NOD1: variants seen among roughly 807,000 people sequenced by gnomAD.
The protein encoded by NOD1 is nucleotide-binding oligomerization domain-containing protein 1.
In NOD1, 70 loss-of-function variants were observed where a neutral mutation model predicts 81.2. The ratio of observed to expected loss-of-function variants is 0.86; its 90% CI spans 0.71 to 1.05. The LOEUF (loss-of-function observed/expected upper bound fraction) is 1.05, where lower values mean the gene tolerates loss of function less well. Among genes scored for constraint, NOD1 ranks in the 50% least tolerant of loss-of-function variants. The probability of loss-of-function intolerance (pLI) is 0.00; values close to 1 mark genes in which losing one functional copy is unlikely to be tolerated. For missense variants in NOD1, 1,233 were observed against 1,228.0 expected (o/e 1.00, Z -0.06); for synonymous variants, 508 against 526.9 (o/e 0.96, Z 0.49).
In NOD1 at chr7:30,446,959, C is replaced by T. The variant is rs1346485778; in HGVS notation, c.2369+8G>A. On this transcript the variant is annotated splice_region_variant and intron_variant, in intron 8 of 13. Transcript: ENST00000222823. Reference sequence around the variant, plus strand: ...TATACTAAGGAACCTGGTGCCTACCCCACTTACTTAAGATGCGTGAGGCCT... The same window carrying T: ...TATACTAAGGAACCTGGTGCCTACCTCACTTACTTAAGATGCGTGAGGCCT... The T allele has an allele frequency of 1.2e-6, 2 of 1,609,770 alleles. No homozygotes were observed. Among genetic ancestry groups the T allele is most frequent in the Admixed American group, 1.7e-5 (1 of 59,484 alleles).
Position 30,478,559 on chromosome 7 carries a change from C to A in NOD1, c.-352+47G>T. 6.5e-6 allele frequency: 1 copy of A among 152,708 alleles called. No homozygotes were observed. The highest frequency in any genetic ancestry group is 1.5e-5 in the Non-Finnish European group (1 of 68,362). The allele number at this position is 152,708 out of a possible 1,614,324, so 9.5% of individuals were successfully genotyped here. ...CCTCCTCACTCGCAGCGCCCAGGACCTCAGAAAGGGCCTGCCCCGCGCGAA... is the reference window on the plus strand; with the variant it reads ...CCTCCTCACTCGCAGCGCCCAGGACATCAGAAAGGGCCTGCCCCGCGCGAA... On this transcript the variant is annotated intron_variant, in intron 1 of 13. Coordinates refer to ENST00000222823, the MANE Select transcript of NOD1 (RefSeq NM_006092.4). This position sits in a 1 kb window ranked among gnomAD's most constrained non-coding sequence, Gnocchi z 4.1.
At chr7:30,459,025 C>A (rs1376901813) in intron 3 of NOD1, 127 bp downstream of exon 3, 1 of 152,268 alleles carries the variant, frequency 6.6e-6, no homozygotes, top group Non-Finnish European at 1.5e-5. Context: ...GTGTGAGCCA[C>A]CACACCCGGC....
At chr7:30,458,226 T>A (rs2975633) in intron 3 of NOD1, among the ~76,000 whole-genome samples, 53,306 of 151,644 alleles carry the variant, frequency 0.35, 11,269 homozygotes, top group African/African-American at 0.6. Flanking sequence ...AATAATTTTT[T>A]AAAAAAATCC....
intron 7 of NOD1, 22 bp downstream of exon 7, chr7:30,448,276 A>G (rs1181947249): frequency 3.2e-6 from 5 of 1,580,676 alleles, no homozygotes; most frequent in Non-Finnish European, 4.4e-6. Context: ...TAGTTGGCCC[A>G]GTGTTCTGGA....
At chr7:30,448,458 A>AGGGCCT in intron 6 of NOD1, 77 bp from the exon 7 acceptor site, 3 of 1,233,472 alleles carry the variant, frequency 2.4e-6, no homozygotes, top group Non-Finnish European at 3.6e-6. Flanking sequence ...ACAAAGATCC[A>AGGGCCT]GAAGCCTTCA....
At chr7:30,429,752 C>T (rs1474995642) in intron 12 of NOD1, among the ~76,000 whole-genome samples, 1 of 152,128 alleles carries the variant, frequency 6.6e-6, no homozygotes, top group East Asian at 1.9e-4. Flanking sequence ...ATATTTGGGG[C>T]CGGGTGCAGT....
At chr7:30,464,082 C>G (rs1294783048) in intron 1 of NOD1, 1 of 152,194 alleles carries the variant, frequency 6.6e-6, no homozygotes, top group East Asian at 1.9e-4. Flanking sequence ...GAATGTTTTG[C>G]TTTCCCTGGT....
At chr7:30,458,850 C>T (rs971197805) in intron 3 of NOD1, among the ~76,000 whole-genome samples, 3 of 151,930 alleles carry the variant, frequency 2.0e-5, no homozygotes, top group African/African-American at 4.8e-5. Flanking sequence ...AATTCTCCTG[C>T]ATCAGCCACC....
Position 30,457,005 on chromosome 7 carries a change from G to A in NOD1, c.-84C>T, listed in dbSNP as rs1372088472. The A allele has an allele frequency of 5.1e-6, 6 of 1,185,570 alleles. No homozygotes were observed. 73.4% of individuals were successfully genotyped at this position (1,185,570 alleles called of 1,614,324 possible). A position where few individuals can be genotyped will look rare whatever the true frequency, so the allele number is the denominator to read the frequency against. ...CAGCAGAAGGGCAATCAGGATTCAG[G>A]CCGCGCCCTCCAGGGCCCCTGCTAC... On this transcript the variant is annotated 5_prime_UTR_variant, in exon 4 of 14. Coordinates refer to ENST00000222823, the MANE Select transcript of NOD1 (RefSeq NM_006092.4).
intron 7 of NOD1, 71 bp from the exon 8 acceptor site, chr7:30,447,121 G>A: frequency 6.2e-7 from 1 of 1,610,370 alleles, no homozygotes; most frequent in Non-Finnish European, 8.5e-7. Context: ...GTTTTTTGAA[G>A]CATATGGTGT....
intron 9 of NOD1, among the ~76,000 whole-genome samples, chr7:30,438,178 G>A (rs189381625): frequency 6.6e-6 from 1 of 152,324 alleles, no homozygotes; most frequent in Non-Finnish European, 1.5e-5. Context: ...CACATAAAGA[G>A]GACGTTACCC....
intron 1 of NOD1, among the ~76,000 whole-genome samples, chr7:30,460,936 AG>A (rs1212530126): frequency 6.6e-6 from 1 of 152,220 alleles, no homozygotes; most frequent in Non-Finnish European, 1.5e-5. Flanking sequence ...GAGAAGATTC[AG>A]GGAAGCTGCT....
intron 1 of NOD1, among the ~76,000 whole-genome samples, chr7:30,473,081 G>C (rs117139630): frequency 6.6e-6 from 1 of 152,308 alleles, no homozygotes; most frequent in South Asian, 2.1e-4. Flanking sequence ...ACCAGGGTAG[G>C]GGGCCAGCAG....
rs1158050432 is a variant in NOD1, at chr7:30,451,561, G to A, written c.1856C>T (p.Ala619Val). Reference sequence around the variant, plus strand: ...GCTGGAAAACAGGTGTGCCCACAGGGCCTTGCGCTTTCTCCTCAGGGCTGC... The same window carrying A: ...GCTGGAAAACAGGTGTGCCCACAGGACCTTGCGCTTTCTCCTCAGGGCTGC... ...PAAALRRKRK[A>V]LWAHLFSSLR... The change falls in exon 6 of 14, where the codon GCC becomes GTC. Residue 619 changes from alanine (A) to valine (V), a missense_variant. By Grantham distance (64) the Ala-to-Val change is moderately conservative. Coordinates refer to ENST00000222823, the MANE Select transcript of NOD1 (RefSeq NM_006092.4). The surrounding 1 kb of genome is among the most constrained non-coding windows in gnomAD (Gnocchi z 4.2). The A allele has an allele frequency of 6.2e-7, 1 of 1,613,502 alleles. No homozygotes were observed. Among genetic ancestry groups the A allele is most frequent in the Admixed American group, 1.7e-5 (1 of 59,978 alleles).
intron 12 of NOD1, among the ~76,000 whole-genome samples, chr7:30,432,360 T>C (rs2127995689): frequency 6.6e-6 from 1 of 152,288 alleles, no homozygotes; most frequent in South Asian, 2.1e-4. Context: ...TTCAACATTG[T>C]TGTCATCAGG....
At chr7:30,427,521 A>C (rs1197433374) in intron 13 of NOD1, among the ~76,000 whole-genome samples, 4 of 152,186 alleles carry the variant, frequency 2.6e-5, no homozygotes, top group Non-Finnish European at 5.9e-5. Context: ...CTCAGAGCCC[A>C]GTCCCATGAA....
chr7:30,452,444 C>T lies in NOD1; in HGVS notation c.973G>A (p.Gly325Arg). 4 of 1,613,336 alleles carry T rather than the reference C, an allele frequency of 2.5e-6. No homozygotes were observed. The highest frequency in any genetic ancestry group is 3.4e-6 in the Non-Finnish European group (4 of 1,179,974). The change falls in exon 6 of 14, where the codon GGG becomes AGG. Residue 325 changes from glycine (G) to arginine (R), a missense_variant. Transcript: ENST00000222823. ...CGGGCTGTGAGCAGCTTGCTAGCCC[C>T]CTTGAGCAGCTTCCCACTGAGCAGG... ...ANLLSGKLLK[G>R]ASKLLTARTG... is the part of the protein sequence containing the mutation.
At chr7:30,459,634 G>T (rs559287349) in intron 2 of NOD1, among the ~76,000 whole-genome samples, 1 of 152,216 alleles carries the variant, frequency 6.6e-6, no homozygotes, top group Non-Finnish European at 1.5e-5. Context: ...CCTGCTGCCT[G>T]GAAAGGCTCC....
At chr7:30,435,864 G>A (rs1041512300) in intron 11 of NOD1, 134 bp downstream of exon 11, 28 of 676,714 alleles carry the variant, frequency 4.1e-5, no homozygotes, top group Non-Finnish European at 5.6e-5. Flanking sequence ...AGGCCAAGGC[G>A]GGAGGTTCGA....
Sources: gnomAD v4.1 joint callset for allele counts (sites outside exome capture counted in the v4.1 genomes callset) on GRCh38, gnomAD v4.1.1 for gene constraint, Gnocchi (gnomAD v3.1) non-coding constraint, MANE v1.5 for transcripts, NCBI Gene and HGNC (gene_info 2026-07-23, HGNC 2026-07-21) for gene names.